The following BACH2 variants were observed in gnomAD, a reference collection of about 807,000 sequenced individuals.
BACH2 encodes BACH transcriptional regulator 2.
BACH2 carries 5 observed loss-of-function variants against 61.8 expected under a neutral mutation model. That is an observed-to-expected ratio of 0.08 (90% CI 0.04 to 0.17). BACH2 has a LOEUF of 0.17. Among genes scored for constraint, BACH2 ranks in the 10% least tolerant of loss-of-function variants. The pLI, the probability that BACH2 is intolerant of heterozygous loss-of-function variation, is 1.00. For synonymous variants in BACH2, 446 were observed against 440.1 expected, an observed-to-expected ratio of 1.01 and a Z score of -0.17; for missense variants, 824 against 1,091.1, an observed-to-expected ratio of 0.76 and a Z score of 3.45.
At position 89,931,236 on chromosome 6, in the gene BACH2, A is replaced by G. The variant is rs1396011987; in HGVS notation, c.*1172T>C. 6.6e-6 allele frequency: 1 copy of G among 152,344 alleles called. No individual in the cohort carries two copies. The highest frequency in any genetic ancestry group is 1.5e-5 in the Non-Finnish European group (1 of 68,030). 9.4% of individuals were successfully genotyped at this position (152,344 alleles called of 1,614,324 possible). ...TGATGTACTTTTGAGTGAGATGTCC[A>G]AACTCTCTCCCCACTTAGGAATCTG... On this transcript the variant is annotated 3_prime_UTR_variant, in exon 9 of 9. Coordinates refer to ENST00000257749, the MANE Select transcript of BACH2 (RefSeq NM_021813.4).
chr6:89,939,534 A>G (rs1773268105), intron 7 of BACH2, among the ~76,000 whole-genome samples: 2 of 152,196 alleles, frequency 1.3e-5, no homozygotes, highest in Non-Finnish European at 2.9e-5. Flanking sequence ...AAAATTCCAA[A>G]TCTTGACAAA....
chr6:90,261,707 G>A (rs781584203), intron 2 of BACH2, among the ~76,000 whole-genome samples: 16 of 151,998 alleles, frequency 1.1e-4, no homozygotes, highest in Non-Finnish European at 1.8e-4. Flanking sequence ...ACTTCCTAGG[G>A]CTTATATCAT....
At position 90,021,168 on chromosome 6, in the gene BACH2, C is replaced by T. The variant is rs867425170; in HGVS notation, c.-12-12312G>A. 1.9e-4 allele frequency among the ~76,000 whole-genome samples: 29 copies of T among 152,046 alleles called. 1 individual carries two copies. Among genetic ancestry groups the T allele is most frequent in the African/African-American group, 7.0e-4 (29 of 41,394 alleles). ...GCTACACAGACCACAACTCTTATTA[C>T]TCGAAGGTATAGTATTAATGAATAC... is the stretch of plus-strand genomic sequence containing the variant. On this transcript the variant is annotated intron_variant, in intron 5 of 8. Coordinates refer to ENST00000257749, the MANE Select transcript of BACH2 (RefSeq NM_021813.4).
chr6:90,037,767 C>T (rs915535395), intron 5 of BACH2, among the ~76,000 whole-genome samples: 6 of 152,196 alleles, frequency 3.9e-5, no homozygotes, highest in African/African-American at 9.7e-5. Flanking sequence ...GAAATAATAT[C>T]ATTGCAGATG....
At chr6:90,153,618 T>C (rs1410316040) in intron 4 of BACH2, among the ~76,000 whole-genome samples, 2 of 152,194 alleles carry the variant, frequency 1.3e-5, no homozygotes, top group African/African-American at 4.8e-5. Flanking sequence ...AGCAATCTGA[T>C]AGCTATAGGA....
intron 4 of BACH2, among the ~76,000 whole-genome samples, chr6:90,092,291 A>AAAAAAAAAAAAAAAAAAATATATAT: frequency 4.4e-5 from 5 of 113,820 alleles, no homozygotes; most frequent in African/African-American, 1.8e-4. Context: ...AAAAAAAAAA[A>AAAAAAAAAAAAAAAAAAATATATAT]ATATATATAT....
At chr6:89,992,757 T>C (rs1776647687) in intron 6 of BACH2, among the ~76,000 whole-genome samples, 2 of 152,250 alleles carry the variant, frequency 1.3e-5, no homozygotes, top group South Asian at 4.1e-4. Flanking sequence ...ATTGATTGTG[T>C]GGCTGTATGT....
At chr6:89,997,210 A>G (rs763242100) in intron 6 of BACH2, among the ~76,000 whole-genome samples, 6 of 152,170 alleles carry the variant, frequency 3.9e-5, no homozygotes, top group Non-Finnish European at 7.4e-5. Flanking sequence ...GCAGCCTTAA[A>G]TAGGAGGAAT....
intron 4 of BACH2, among the ~76,000 whole-genome samples, chr6:90,107,130 T>C (rs1183471126): frequency 6.6e-6 from 1 of 152,134 alleles, no homozygotes; most frequent in Non-Finnish European, 1.5e-5. Flanking sequence ...TCCCAGCACT[T>C]TGGGAGGCCG....
chr6:90,104,383 T>C (rs1782806810), intron 4 of BACH2: 1 of 152,230 alleles, frequency 6.6e-6, no homozygotes, highest in South Asian at 2.1e-4. Context: ...GGTGCTCCTC[T>C]TGGAGGGTGT....
chr6:90,113,800 A>C (rs888555645), intron 4 of BACH2, among the ~76,000 whole-genome samples: 2 of 152,202 alleles, frequency 1.3e-5, no homozygotes, highest in Admixed American at 6.6e-5. Context: ...AAAAGAAAGA[A>C]GATCCAAATA....
chr6:90,093,355 G>C (rs1472285277), intron 4 of BACH2, among the ~76,000 whole-genome samples: 1 of 151,984 alleles, frequency 6.6e-6, no homozygotes, highest in African/African-American at 2.4e-5. Flanking sequence ...TGCACATCAG[G>C]GTCACATGGG....
intron 3 of BACH2, among the ~76,000 whole-genome samples, chr6:90,221,223 T>C (rs1402220051): frequency 1.3e-5 from 2 of 152,248 alleles, no homozygotes; most frequent in Non-Finnish European, 2.9e-5. Flanking sequence ...TACTGTCCTT[T>C]TATACTTTTA....
intron 1 of BACH2, among the ~76,000 whole-genome samples, chr6:90,286,693 T>G (rs1415097978): frequency 6.6e-6 from 1 of 152,214 alleles, no homozygotes; most frequent in Admixed American, 6.5e-5. Flanking sequence ...TTTAGGGTCA[T>G]TCTGGTTCTC....
intron 4 of BACH2, among the ~76,000 whole-genome samples, chr6:90,110,213 A>G (rs1283206069): frequency 6.6e-6 from 1 of 152,236 alleles, no homozygotes; most frequent in African/African-American, 2.4e-5. Context: ...TATTTTCATC[A>G]TCTTTTGATA....
Position 90,146,210 on chromosome 6 carries a change from AAGTGATGTTACC to A in BACH2, c.-161-57113_-161-57102del, listed in dbSNP as rs796577353. 1.8e-3 allele frequency among the ~76,000 whole-genome samples: 274 copies of A among 152,356 alleles called. 7 individuals carry two copies. The South Asian group carries it at 0.034, about 19-fold the overall frequency. On this transcript the variant is annotated intron_variant, in intron 4 of 8. Transcript: ENST00000257749. ...ACGTGTGACCAAAGATGACCCGCAGAAGTGATGTTACCTGACTCTGTTGAACTCTATGACATA... is the reference window on the plus strand; with the variant it reads ...ACGTGTGACCAAAGATGACCCGCAGATGACTCTGTTGAACTCTATGACATA...
At chr6:90,167,981 C>T (rs1767687897) in intron 4 of BACH2, among the ~76,000 whole-genome samples, 1 of 152,206 alleles carries the variant, frequency 6.6e-6, no homozygotes, top group Non-Finnish European at 1.5e-5. Flanking sequence ...CCTAGAAAAT[C>T]ACTTTCTAGG....
At position 89,932,452 on chromosome 6, in the gene BACH2, CAG is replaced by C. The variant is rs749989388; in HGVS notation, c.2480_2481del (p.Thr827ArgfsTer2). The C allele has an allele frequency of 6.2e-7, 1 of 1,614,144 alleles. No individual in the cohort carries two copies. Among genetic ancestry groups the C allele is most frequent in the Non-Finnish European group, 8.5e-7 (1 of 1,180,010 alleles). On this transcript the variant is annotated frameshift_variant, in exon 9 of 9. Coordinates refer to ENST00000257749, the MANE Select transcript of BACH2 (RefSeq NM_021813.4). LOFTEE classifies it high-confidence loss of function. Reference sequence around the variant, plus strand: ...GGCTGTTCGTCAGTTGTACACTTATCAGTCATTTCCTGGCAGAAGTCCACGGT... The same window carrying C: ...GGCTGTTCGTCAGTTGTACACTTATCTCATTTCCTGGCAGAAGTCCACGGT... ...TVTVDFCQEM[T>X]DKCTTDEQPR...
chr6:90,030,214 C>T (rs1223726872), intron 5 of BACH2, among the ~76,000 whole-genome samples: 1 of 152,134 alleles, frequency 6.6e-6, no homozygotes, highest in East Asian at 1.9e-4. Context: ...ACCAATTATG[C>T]CCTTCCTTTC....
Sources: allele counts gnomAD v4.1 joint callset (sites outside exome capture counted in the v4.1 genomes callset), GRCh38; gene constraint gnomAD v4.1.1; transcripts MANE v1.5; gene names NCBI Gene and HGNC (gene_info 2026-07-23, HGNC 2026-07-21).